DPH6: variants seen among roughly 807,000 people sequenced by gnomAD.
The protein encoded by DPH6 is diphthamine biosynthesis 6, also known as diphthine--ammonia ligase.
A neutral mutation model predicts 38.2 loss-of-function variants in DPH6; 33 were observed. The ratio of observed to expected loss-of-function variants is 0.86; its 90% CI spans 0.65 to 1.15. The LOEUF is 1.15. DPH6 is among the 50% of genes most tolerant of loss of function. The pLI, the probability that DPH6 is intolerant of heterozygous loss-of-function variation, is 0.00. For synonymous variants in DPH6, 108 were observed against 103.0 expected, an observed-to-expected ratio of 1.05 and a Z score of -0.30; for missense variants, 325 against 320.0, an observed-to-expected ratio of 1.02 and a Z score of -0.12.
intron 3 of DPH6, among the ~76,000 whole-genome samples, chr15:35,301,729 T>C (rs559493572): frequency 2.6e-5 from 4 of 152,214 alleles, no homozygotes; most frequent in African/African-American, 9.6e-5. Flanking sequence ...TCCCAGCACT[T>C]TCGGAGGCCA....
intron 5 of DPH6, among the ~76,000 whole-genome samples, chr15:35,436,499 C>CAAACAAA (rs1555401704): frequency 3.7e-4 from 8 of 21,916 alleles, no homozygotes; most frequent in African/African-American, 6.5e-4. Context: ...CAAAACAAAA[C>CAAACAAA]AAAACAAAAC....
intron 3 of DPH6, among the ~76,000 whole-genome samples, chr15:35,354,156 C>T (rs1352073149): frequency 6.6e-6 from 1 of 152,162 alleles, no homozygotes; most frequent in African/African-American, 2.4e-5. Flanking sequence ...GCTGAAGTTG[C>T]CTATCAGCTT....
At chr15:35,401,543 T>C in intron 6 of DPH6, 1 of 771,814 alleles carries the variant, frequency 1.3e-6, no homozygotes, top group Non-Finnish European at 2.4e-6. Flanking sequence ...AGAGGTGGCT[T>C]TGGTGGTGGT....
chr15:35,272,455 G>A (rs1020812930), intron 3 of DPH6, among the ~76,000 whole-genome samples: 3 of 152,130 alleles, frequency 2.0e-5, no homozygotes, highest in Non-Finnish European at 2.9e-5. Context: ...TTGGATGTTT[G>A]TGCCTTGAAA....
chr15:35,426,655 G>A (rs989051662), intron 5 of DPH6, among the ~76,000 whole-genome samples: 10 of 151,662 alleles, frequency 6.6e-5, no homozygotes, highest in Admixed American at 5.3e-4. Context: ...ATTGGTATGG[G>A]CATCTCTTAA....
At chr15:35,372,302 ACT>A in intron 8 of DPH6, 99 bp from the exon 9 acceptor site, 1 of 1,027,926 alleles carries the variant, frequency 9.7e-7, no homozygotes, top group Non-Finnish European at 1.3e-6. Flanking sequence ...TATCTGAAAT[ACT>A]GTTATCTTCG....
chr15:35,279,485 G>A (rs1319089128), intron 3 of DPH6, among the ~76,000 whole-genome samples: 1 of 152,112 alleles, frequency 6.6e-6, no homozygotes, highest in Non-Finnish European at 1.5e-5. Flanking sequence ...CTGGTGGGAG[G>A]TGTTTGGGTC....
In DPH6 at chr15:35,239,361, C is replaced by G. The variant is rs528677548; in HGVS notation, n.201-18779G>C. On this transcript the variant is annotated intron_variant and non_coding_transcript_variant, in intron 3 of 3. Coordinates refer to the DPH6 transcript ENST00000560386. ...TAGAGACAAAAGAGACACGTTTTAT[C>G]TGTGGACCCCAAACTCCGGCGCCGG... Among the ~76,000 whole-genome samples the G allele has an allele frequency of 4.2e-5, 6 of 143,948 alleles. 1 individual carries two copies. In the East Asian group the frequency reaches 1.3e-3, roughly 31 times the overall value. 94.4% of individuals were successfully genotyped at this position (143,948 alleles called of 152,430 possible).
At chr15:35,427,834 G>GGTAACAT (rs2141026156) in intron 5 of DPH6, among the ~76,000 whole-genome samples, 1 of 152,072 alleles carries the variant, frequency 6.6e-6, no homozygotes, top group South Asian at 2.1e-4. Flanking sequence ...AACTTGCTAA[G>GGTAACAT]TAATGAAAAC....
chr15:35,506,814 A>G (rs576894091), intron 3 of DPH6, among the ~76,000 whole-genome samples: 1 of 152,306 alleles, frequency 6.6e-6, no homozygotes, highest in Non-Finnish European at 1.5e-5. Flanking sequence ...TTTATTTTGG[A>G]TAAAAGCCCT....
chr15:35,249,253 G>A (rs539944187), intron 3 of DPH6, among the ~76,000 whole-genome samples: 2 of 152,180 alleles, frequency 1.3e-5, no homozygotes, highest in Admixed American at 6.5e-5. Flanking sequence ...CTCTATTCCT[G>A]TAGATAAAAT....
At chr15:35,521,868 T>C in intron 3 of DPH6, 2 of 1,360,478 alleles carry the variant, frequency 1.5e-6, no homozygotes, top group Admixed American at 3.4e-5. Flanking sequence ...CAGTCATTAA[T>C]GTTAATTAGT....
chr15:35,508,655 G>A (rs1205030086), intron 3 of DPH6, among the ~76,000 whole-genome samples: 1 of 151,954 alleles, frequency 6.6e-6, no homozygotes, highest in South Asian at 2.1e-4. Context: ...TTAGCAATAG[G>A]ATACACATGA....
chr15:35,434,680 T>C (rs925858615), intron 5 of DPH6, among the ~76,000 whole-genome samples: 9 of 152,176 alleles, frequency 5.9e-5, no homozygotes, highest in Non-Finnish European at 1.3e-4. Flanking sequence ...GCAGTGGTCC[T>C]ATCATTAACA....
chr15:35,326,628 G>A (rs2052284830), downstream of DPH6, among the ~76,000 whole-genome samples: 1 of 151,932 alleles, frequency 6.6e-6, no homozygotes, highest in Non-Finnish European at 1.5e-5. Flanking sequence ...TAGAGATAGG[G>A]TCTTGCTATA....
chr15:35,385,853 T>A (rs2052946392), intron 6 of DPH6, among the ~76,000 whole-genome samples: 1 of 152,176 alleles, frequency 6.6e-6, no homozygotes, highest in South Asian at 2.1e-4. Flanking sequence ...CACATTTTTT[T>A]TTATTATTAT....
chr15:35,455,955 C>A (rs544280131), intron 3 of DPH6, among the ~76,000 whole-genome samples: 1 of 152,108 alleles, frequency 6.6e-6, no homozygotes, highest in East Asian at 1.9e-4. Context: ...TAAAAGGATG[C>A]CATAATAAAT....
intron 6 of DPH6, among the ~76,000 whole-genome samples, chr15:35,389,743 G>A (rs188767826): frequency 2.6e-5 from 4 of 152,212 alleles, no homozygotes; most frequent in East Asian, 3.9e-4. Context: ...GTCTCTGCAC[G>A]TGAGATTGGT....
the DPH6 span, among the ~76,000 whole-genome samples, chr15:35,192,416 T>G: frequency 6.6e-6 from 1 of 152,196 alleles, no homozygotes; most frequent in South Asian, 2.1e-4. Context: ...GACCCTAACT[T>G]GCCTTTTTGT....
Sources: allele counts gnomAD v4.1 joint callset (sites outside exome capture counted in the v4.1 genomes callset), GRCh38; gene constraint gnomAD v4.1.1; transcripts MANE v1.5; gene names NCBI Gene and HGNC (gene_info 2026-07-23, HGNC 2026-07-21).